The following ITGA8 variants were observed in gnomAD, a reference collection of about 807,000 sequenced individuals.
ITGA8 encodes integrin alpha-8.
Under a neutral mutation model 142.3 loss-of-function variants are expected in ITGA8, and 91 were observed. The ratio of observed to expected loss-of-function variants is 0.64; its 90% confidence interval spans 0.54 to 0.76. ITGA8 has a LOEUF of 0.76. ITGA8 is among the 30% of genes least tolerant of loss of function. The probability of loss-of-function intolerance (pLI) is 0.00; values close to 1 mark genes in which losing one functional copy is unlikely to be tolerated. For synonymous variants in ITGA8, 505 were observed against 485.2 expected, an observed-to-expected ratio of 1.04 and a Z score of -0.54; for missense variants, 1,406 against 1,327.7, an observed-to-expected ratio of 1.06 and a Z score of -0.92.
chr10:15,517,032 A>G lies in ITGA8; in HGVS notation c.*126T>C. On this transcript the variant is annotated 3_prime_UTR_variant, in exon 30 of 30. Transcript: ENST00000378076. ...GCGGTGTAGATGAGGTGATGTTTCC[A>G]GGGTCCCCTCCATTTCCTGGGTCAC... is the stretch of plus-strand genomic sequence containing the variant. 1.4e-5 allele frequency: 7 copies of G among 493,348 alleles called. No homozygotes were observed. The highest frequency in any genetic ancestry group is 1.1e-4 in the South Asian group (3 of 27,030). The allele number at this position is 493,348 out of a possible 1,614,324, so 30.6% of individuals were successfully genotyped here.
At chr10:15,657,708 C>T (rs781581071) in intron 10 of ITGA8, among the ~76,000 whole-genome samples, 3 of 151,864 alleles carry the variant, frequency 2.0e-5, no homozygotes, top group Non-Finnish European at 4.4e-5. Flanking sequence ...ATTTGTTTCT[C>T]CAGGCAATCG....
At chr10:15,541,146 A>G (rs1353735780) in intron 27 of ITGA8, among the ~76,000 whole-genome samples, 1 of 152,234 alleles carries the variant, frequency 6.6e-6, no homozygotes, top group Non-Finnish European at 1.5e-5. Flanking sequence ...CCTGCTCCTC[A>G]GGCAGCAGGT....
Position 15,572,385 on chromosome 10 carries a change from A to G in ITGA8, c.2479-16T>C, listed in dbSNP as rs1242627181. The G allele has an allele frequency of 1.2e-6, 2 of 1,612,124 alleles. No individual in the cohort carries two copies. Reference sequence around the variant, plus strand: ...TATTGTGCAGCTGTAAACAAGTGACATGTTATCTAATGACCCAGCAGAAGG... The same window carrying G: ...TATTGTGCAGCTGTAAACAAGTGACGTGTTATCTAATGACCCAGCAGAAGG... On this transcript the variant is annotated splice_polypyrimidine_tract_variant and intron_variant, in intron 24 of 29. Coordinates refer to ENST00000378076, the MANE Select transcript of ITGA8 (RefSeq NM_003638.3).
In ITGA8 at chr10:15,527,932, T is replaced by TTC. The variant is rs1400076035; in HGVS notation, c.2982+3117_2982+3118insGA. Among the ~76,000 whole-genome samples, 226 of 141,820 alleles carry TTC rather than the reference T, an allele frequency of 1.6e-3. 5 individuals are homozygous for TTC. Among genetic ancestry groups the TTC allele is most frequent in the African/African-American group, 5.8e-3 (219 of 38,056 alleles). The allele number at this position is 141,820 out of a possible 152,430, so 93.0% of individuals were successfully genotyped here. On this transcript the variant is annotated intron_variant, in intron 28 of 29. Transcript: ENST00000378076. ...TTTTTTTTTTTTTTTTTTTTTTTTT[T>TTC]TGAGACAGGTTCTTGCTCTGTTGCC... is the stretch of plus-strand genomic sequence containing the variant.
At chr10:15,698,184 T>C (rs893945433) in intron 2 of ITGA8, among the ~76,000 whole-genome samples, 1 of 152,228 alleles carries the variant, frequency 6.6e-6, no homozygotes, top group African/African-American at 2.4e-5. Context: ...TCTGACTTAC[T>C]TCACTCAGAA....
chr10:15,579,861 A>T (rs1028213731), intron 23 of ITGA8, among the ~76,000 whole-genome samples: 1 of 151,932 alleles, frequency 6.6e-6, no homozygotes, highest in Non-Finnish European at 1.5e-5. Context: ...ACTTATAAAC[A>T]TTTCGGTATG....
chr10:15,628,016 C>T (rs976913775), intron 13 of ITGA8, among the ~76,000 whole-genome samples: 1 of 151,984 alleles, frequency 6.6e-6, no homozygotes, highest in African/African-American at 2.4e-5. Flanking sequence ...ATAATGAATG[C>T]ATTAGCATAC....
intron 20 of ITGA8, 61 bp from the exon 21 acceptor site, chr10:15,597,360 C>G (rs1266044210): frequency 2.2e-6 from 3 of 1,391,094 alleles, no homozygotes; most frequent in Non-Finnish European, 3.1e-6. Flanking sequence ...GACACAAAAG[C>G]CATGCTGGGG....
intron 19 of ITGA8, among the ~76,000 whole-genome samples, chr10:15,605,419 CT>C (rs1564371019): frequency 6.6e-6 from 1 of 152,152 alleles, no homozygotes. Flanking sequence ...GTCTACTTGA[CT>C]GAGGCAAGTA....
intron 2 of ITGA8, among the ~76,000 whole-genome samples, chr10:15,711,230 C>A (rs1371417839): frequency 6.6e-6 from 1 of 152,118 alleles, no homozygotes; most frequent in Non-Finnish European, 1.5e-5. Context: ...ACATATGATC[C>A]TTTATTTAAA....
At chr10:15,657,717 C>T (rs930400679) in intron 10 of ITGA8, among the ~76,000 whole-genome samples, 33 of 151,796 alleles carry the variant, frequency 2.2e-4, no homozygotes, top group Non-Finnish European at 4.0e-4. Context: ...TCCAGGCAAT[C>T]GATTTTTCTC....
chr10:15,706,502 A>G lies in ITGA8; in HGVS notation c.343+12264T>C, dbSNP rs1217204052. Among the ~76,000 whole-genome samples, 3 of 152,094 alleles carry G rather than the reference A, an allele frequency of 2.0e-5. No individual in the cohort carries two copies. The East Asian group carries it at 5.8e-4, about 29-fold the overall frequency. On this transcript the variant is annotated intron_variant, in intron 2 of 29. Coordinates refer to ENST00000378076, the MANE Select transcript of ITGA8 (RefSeq NM_003638.3). ...CTCTGTCAGGCTGGAGTGCAGTGAC[A>G]CAATTATAGCTCACTGCATCCTCTA...
chr10:15,573,218 G>C (rs543912332), intron 24 of ITGA8, among the ~76,000 whole-genome samples: 2 of 152,234 alleles, frequency 1.3e-5, no homozygotes, highest in East Asian at 3.9e-4. Flanking sequence ...CACGAGATTA[G>C]CAATGTACAC....
chr10:15,604,440 AAAG>A, intron 19 of ITGA8, 85 bp from the exon 20 acceptor site: 1 of 1,157,802 alleles, frequency 8.6e-7, no homozygotes, highest in African/African-American at 1.6e-5. Flanking sequence ...TAGAGGAGGA[AAAG>A]AAAAATGGCA....
intron 20 of ITGA8, among the ~76,000 whole-genome samples, chr10:15,603,813 C>T (rs537850098): frequency 9.9e-5 from 15 of 152,240 alleles, no homozygotes; most frequent in African/African-American, 3.4e-4. Context: ...TCTTCCCTAA[C>T]CAATAACGAA....
At chr10:15,526,552 C>A (rs113062937) in intron 28 of ITGA8, among the ~76,000 whole-genome samples, 1 of 152,086 alleles carries the variant, frequency 6.6e-6, no homozygotes, top group Non-Finnish European at 1.5e-5. Flanking sequence ...GGTTTACTTT[C>A]GGCACAGGGG....
rs544972673 is a variant in ITGA8 at position 15,630,903 on chromosome 10, G to A, written c.1399+13127C>T. 9.2e-5 allele frequency among the ~76,000 whole-genome samples: 14 copies of A among 152,024 alleles called. No homozygotes were observed. In the South Asian group the frequency reaches 2.7e-3, roughly 29 times the overall value. ...TGGTATCTCATTATGGTATTGAATGGCATTTCTCTAATGATCTGTGATGCT... is the reference window on the plus strand; with the variant it reads ...TGGTATCTCATTATGGTATTGAATGACATTTCTCTAATGATCTGTGATGCT... On this transcript the variant is annotated intron_variant, in intron 13 of 29. Transcript: ENST00000378076.
At chr10:15,518,377 A>G (rs939326351) in intron 29 of ITGA8, among the ~76,000 whole-genome samples, 2 of 152,246 alleles carry the variant, frequency 1.3e-5, no homozygotes, top group South Asian at 4.1e-4. Flanking sequence ...GTGACAGAAC[A>G]ACACAAAAGT....
At chr10:15,637,638 A>G (rs1020749685) in intron 13 of ITGA8, among the ~76,000 whole-genome samples, 6 of 151,762 alleles carry the variant, frequency 4.0e-5, no homozygotes, top group African/African-American at 1.2e-4. Flanking sequence ...CAGACTCCCA[A>G]GTAGCTGGAA....
Sources: allele counts gnomAD v4.1 joint callset (sites outside exome capture counted in the v4.1 genomes callset), GRCh38; gene constraint gnomAD v4.1.1; transcripts MANE v1.5; gene names NCBI Gene and HGNC (gene_info 2026-07-23, HGNC 2026-07-21).